The following CREB5 variants were observed in gnomAD, a reference collection of about 807,000 sequenced individuals.
CREB5 encodes cyclic AMP-responsive element-binding protein 5.
Under a neutral mutation model 57.1 loss-of-function variants are expected in CREB5, and 19 were observed. The ratio of observed to expected loss-of-function variants is 0.33; its 90% confidence interval spans 0.23 to 0.49. The LOEUF (loss-of-function observed/expected upper bound fraction) is 0.49. Among genes scored for constraint, CREB5 ranks in the 20% least tolerant of loss-of-function variants. CREB5 has a pLI of 0.99. For missense variants in CREB5, 579 were observed against 671.6 expected (o/e 0.86, Z 1.52); for synonymous variants, 238 against 238.3 (o/e 1.00, Z 0.01).
At chr7:28,349,768 T>C (rs1786151978) in intron 1 of CREB5, among the ~76,000 whole-genome samples, 1 of 152,206 alleles carries the variant, frequency 6.6e-6, no homozygotes, top group South Asian at 2.1e-4. Flanking sequence ...CCTTTTTACT[T>C]TGATACTTGT....
chr7:28,789,421 C>T (rs1473057298), intron 7 of CREB5, among the ~76,000 whole-genome samples: 1 of 152,188 alleles, frequency 6.6e-6, no homozygotes, highest in African/African-American at 2.4e-5. Context: ...CCCCTCTCCC[C>T]ATCCTCACTG....
At chr7:28,500,512 C>G (rs1792233400) in intron 3 of CREB5, among the ~76,000 whole-genome samples, 1 of 152,204 alleles carries the variant, frequency 6.6e-6, no homozygotes, top group Admixed American at 6.5e-5. Flanking sequence ...ACAATATAGT[C>G]CTTCAGAACC....
chr7:28,598,692 A>C (rs1333916953), intron 5 of CREB5, among the ~76,000 whole-genome samples: 1 of 151,998 alleles, frequency 6.6e-6, no homozygotes, highest in Non-Finnish European at 1.5e-5. Context: ...CACTCTATCC[A>C]TCATTATTTT....
chr7:28,813,218 T>A (rs1023830696), intron 9 of CREB5, among the ~76,000 whole-genome samples: 1 of 152,214 alleles, frequency 6.6e-6, no homozygotes, highest in Non-Finnish European at 1.5e-5. Flanking sequence ...CACTTCTTTG[T>A]GATCTTCTAT....
chr7:28,552,312 A>G (rs1562791714), intron 4 of CREB5, among the ~76,000 whole-genome samples: 1 of 152,240 alleles, frequency 6.6e-6, no homozygotes, highest in Non-Finnish European at 1.5e-5. Context: ...TGCTGGAATT[A>G]CAGGCATGAG....
chr7:28,539,889 C>A (rs1794136056), intron 4 of CREB5, among the ~76,000 whole-genome samples: 1 of 152,158 alleles, frequency 6.6e-6, no homozygotes, highest in African/African-American at 2.4e-5. Flanking sequence ...TTTTGGTAAC[C>A]AGCCCACCAT....
chr7:28,495,430 T>G (rs563015617), intron 3 of CREB5, among the ~76,000 whole-genome samples: 1 of 151,802 alleles, frequency 6.6e-6, no homozygotes, highest in South Asian at 2.1e-4. Flanking sequence ...CAATCCCAGC[T>G]ACACGGGAGG....
intron 7 of CREB5, among the ~76,000 whole-genome samples, chr7:28,771,529 G>T (rs150005153): frequency 5.9e-5 from 9 of 152,184 alleles, no homozygotes; most frequent in Middle Eastern, 3.4e-3. Context: ...GGGAGTCGTT[G>T]CATGAACACA....
Position 28,692,186 on chromosome 7 carries a change from C to CAAAA in CREB5, c.465-26558_465-26555dup, listed in dbSNP as rs60979497. 3.2e-3 allele frequency among the ~76,000 whole-genome samples: 465 copies of CAAAA among 145,538 alleles called. 2 individuals are homozygous for CAAAA. Among genetic ancestry groups the CAAAA allele is most frequent in the African/African-American group, 0.011 (436 of 39,482 alleles). ...GGATCACAGAGCGAGACTCCGTCTC[C>CAAAA]AAAAAAAAAAAAGCAGCAGCTGTGG... On this transcript the variant is annotated intron_variant, in intron 5 of 10. Transcript: ENST00000357727.
chr7:28,585,680 C>G (rs55934469), intron 5 of CREB5, among the ~76,000 whole-genome samples: 9,943 of 152,172 alleles, frequency 0.065, 483 homozygotes, highest in Non-Finnish European at 0.1. Flanking sequence ...TCCCAGAAAC[C>G]TAATGCTCCG....
At chr7:28,642,648 G>A (rs1798702431) in intron 5 of CREB5, among the ~76,000 whole-genome samples, 2 of 151,980 alleles carry the variant, frequency 1.3e-5, no homozygotes, top group South Asian at 4.1e-4. Context: ...TTTTTATTAG[G>A]GCCTCTGTGT....
chr7:28,803,331 T>G (rs1204359138), intron 7 of CREB5, among the ~76,000 whole-genome samples: 1 of 152,234 alleles, frequency 6.6e-6, no homozygotes, highest in Non-Finnish European at 1.5e-5. Flanking sequence ...CTCCGAAGCT[T>G]GTAAATTACT....
intron 1 of CREB5, among the ~76,000 whole-genome samples, chr7:28,303,506 G>T (rs1785136836): frequency 6.6e-6 from 1 of 152,118 alleles, no homozygotes; most frequent in African/African-American, 2.4e-5. Context: ...CTTACCTCTG[G>T]TTTTCTAACT....
At chr7:28,543,623 G>C (rs1794301333) in intron 4 of CREB5, among the ~76,000 whole-genome samples, 2 of 150,114 alleles carry the variant, frequency 1.3e-5, no homozygotes, top group Admixed American at 6.6e-5. Context: ...GGATGACTCT[G>C]GTTGAAAAGA....
intron 4 of CREB5, among the ~76,000 whole-genome samples, chr7:28,523,116 G>A (rs1793282253): frequency 6.6e-6 from 1 of 152,174 alleles, no homozygotes; most frequent in South Asian, 2.1e-4. Context: ...ACTGCCTTGA[G>A]GAAAGCACGC....
chr7:28,365,021 C>T (rs1339575018), intron 1 of CREB5, among the ~76,000 whole-genome samples: 1 of 152,142 alleles, frequency 6.6e-6, no homozygotes, highest in Non-Finnish European at 1.5e-5. Context: ...TGACACCATT[C>T]AACACCCTGA....
At chr7:28,415,001 CT>C (rs765637206) in intron 1 of CREB5, among the ~76,000 whole-genome samples, 1 of 151,512 alleles carries the variant, frequency 6.6e-6, no homozygotes, top group Non-Finnish European at 1.5e-5. Flanking sequence ...TGCCTTCCCC[CT>C]CACCCCCTGA....
intron 7 of CREB5, among the ~76,000 whole-genome samples, chr7:28,735,866 A>G (rs1296873145): frequency 6.6e-6 from 1 of 151,414 alleles, no homozygotes; most frequent in African/African-American, 2.4e-5. Context: ...GTGCAGTGGT[A>G]GAATCATAGC....
chr7:28,653,706 C>T (rs979333230), intron 5 of CREB5, among the ~76,000 whole-genome samples: 10 of 152,348 alleles, frequency 6.6e-5, no homozygotes, highest in South Asian at 2.1e-4. Context: ...AGCAGTGGTA[C>T]GCTGGTAAAC....
Sources: allele counts gnomAD v4.1 joint callset (sites outside exome capture counted in the v4.1 genomes callset), GRCh38; gene constraint gnomAD v4.1.1; transcripts MANE v1.5; gene names NCBI Gene and HGNC (gene_info 2026-07-23, HGNC 2026-07-21).